The following SLC15A1 variants were observed in gnomAD, a reference collection of about 807,000 sequenced individuals.
SLC15A1 encodes the protein solute carrier family 15 member 1, also known as Caco-2 oligopeptide transporter.
Under a neutral mutation model 92.9 loss-of-function variants are expected in SLC15A1, and 83 were observed. That is an observed-to-expected ratio of 0.89 (90% CI 0.75 to 1.07). The LOEUF (loss-of-function observed/expected upper bound fraction) is 1.07. Ranked by LOEUF, SLC15A1 falls within the 50% of genes least tolerant of loss-of-function variation. The pLI is 0.00. For missense variants in SLC15A1, 857 were observed against 880.1 expected, an observed-to-expected ratio of 0.97 and a Z score of 0.33; for synonymous variants, 322 against 318.2, an observed-to-expected ratio of 1.01 and a Z score of -0.13.
At chr13:98,713,474 T>G (rs1428025407) in intron 9 of SLC15A1, among the ~76,000 whole-genome samples, 1 of 152,228 alleles carries the variant, frequency 6.6e-6, no homozygotes, top group Non-Finnish European at 1.5e-5. Context: ...CAAACATACT[T>G]AAAATCCTTC....
At position 98,752,664 on chromosome 13, in the gene SLC15A1, C is replaced by G; in HGVS notation, c.-66G>C. 1.6e-6 allele frequency: 2 copies of G among 1,233,628 alleles called. No individual in the cohort carries two copies. Among genetic ancestry groups the G allele is most frequent in the Non-Finnish European group, 2.0e-6 (2 of 985,472 alleles). 76.4% of individuals were successfully genotyped at this position (1,233,628 alleles called of 1,614,324 possible). A position where few individuals can be genotyped will look rare whatever the true frequency, so the allele number is the denominator to read the frequency against. ...GTGCTCCTGGCAGGTGCTACTCCTC[C>G]GACCTGACGTCCAGGCCCGGCCCCG... is the stretch of plus-strand genomic sequence containing the variant. On this transcript the variant is annotated 5_prime_UTR_variant, in exon 1 of 23. Transcript: ENST00000376503.
In SLC15A1 at chr13:98,702,467, G is replaced by T. The variant is rs769449098; in HGVS notation, c.1466+13C>A. ...AATCTGATAAAACTTAAATTTTAAA[G>T]AAATATACATACCTGATTCCATTTT... On this transcript the variant is annotated intron_variant, in intron 18 of 22. Transcript: ENST00000376503. 3.3e-5 allele frequency: 52 copies of T among 1,586,140 alleles called. 1 individual carries two copies. Among genetic ancestry groups the T allele is most frequent in the South Asian group, 1.8e-4 (16 of 90,282 alleles).
intron 18 of SLC15A1, among the ~76,000 whole-genome samples, chr13:98,694,809 G>A (rs974122521): frequency 1.1e-4 from 17 of 152,076 alleles, no homozygotes; most frequent in Non-Finnish European, 2.1e-4. Flanking sequence ...GGTGGATCAC[G>A]AGATCAGGAG....
chr13:98,740,910 A>G (rs2088438700), intron 1 of SLC15A1, among the ~76,000 whole-genome samples: 1 of 152,214 alleles, frequency 6.6e-6, no homozygotes, highest in South Asian at 2.1e-4. Context: ...TTCTAGCATC[A>G]GAGTCAGGTT....
At chr13:98,701,635 G>C (rs1166413442) in intron 18 of SLC15A1, among the ~76,000 whole-genome samples, 1 of 151,156 alleles carries the variant, frequency 6.6e-6, no homozygotes, top group African/African-American at 2.4e-5. Context: ...TGAGTGGCTG[G>C]GATTACAGGC....
At chr13:98,686,058 C>G in intron 22 of SLC15A1, 132 bp downstream of exon 22, 1 of 674,656 alleles carries the variant, frequency 1.5e-6, no homozygotes, top group East Asian at 2.7e-5. Flanking sequence ...ACAGCCCTGG[C>G]TGGTCTGGCA....
At chr13:98,742,294 C>T (rs2088454785) in intron 1 of SLC15A1, among the ~76,000 whole-genome samples, 1 of 152,240 alleles carries the variant, frequency 6.6e-6, no homozygotes, top group African/African-American at 2.4e-5. Context: ...CTGTCGCCAG[C>T]CCCTGCTGCT....
chr13:98,743,631 A>G (rs1003342021), intron 1 of SLC15A1, among the ~76,000 whole-genome samples: 3 of 152,158 alleles, frequency 2.0e-5, no homozygotes, highest in African/African-American at 7.2e-5. Flanking sequence ...GGACAGTCCT[A>G]AGTCCTGCCT....
intron 1 of SLC15A1, among the ~76,000 whole-genome samples, chr13:98,729,000 A>AC (rs1455213572): frequency 1.7e-4 from 25 of 147,278 alleles, no homozygotes; most frequent in Non-Finnish European, 3.4e-4. Context: ...AAAAAAAAAA[A>AC]AAAAAACAAC....
intron 1 of SLC15A1, among the ~76,000 whole-genome samples, chr13:98,735,439 C>G (rs74953089): frequency 6.6e-6 from 1 of 152,168 alleles, no homozygotes; most frequent in East Asian, 1.9e-4. Context: ...GACAGGGATG[C>G]CCTCTCTCAC....
intron 8 of SLC15A1, among the ~76,000 whole-genome samples, chr13:98,718,754 AG>A (rs2088231267): frequency 6.6e-6 from 1 of 152,222 alleles, no homozygotes; most frequent in Admixed American, 6.5e-5. Context: ...GGTTGCAGTG[AG>A]CTGAAATCAC....
rs9513471 is a variant in SLC15A1 at position 98,736,003 on chromosome 13, T to C, written c.5-9144A>G. The stretch of plus-strand genomic sequence containing the variant: ...TTGGAAAAAACTACTTTAAAGTTCA[T>C]ATGAAACCAAAAAAGAGCCCTCTTT... On this transcript the variant is annotated intron_variant, in intron 1 of 22. Coordinates refer to ENST00000376503, the MANE Select transcript of SLC15A1 (RefSeq NM_005073.4). 8.6e-3 allele frequency among the ~76,000 whole-genome samples: 1,307 copies of C among 152,328 alleles called. 12 individuals are homozygous for C. The highest frequency in any genetic ancestry group is 0.022 in the South Asian group (106 of 4,828).
chr13:98,685,068 C>T (rs1470408602), intron 22 of SLC15A1, among the ~76,000 whole-genome samples, 153 bp from the exon 23 acceptor site: 2 of 152,200 alleles, frequency 1.3e-5, no homozygotes, highest in Non-Finnish European at 2.9e-5. Context: ...AATACAGATA[C>T]AGTAAGCCCA....
At chr13:98,730,088 C>G (rs1295481533) in intron 1 of SLC15A1, among the ~76,000 whole-genome samples, 1 of 151,590 alleles carries the variant, frequency 6.6e-6, no homozygotes, top group Non-Finnish European at 1.5e-5. Context: ...GCCAGCTACT[C>G]AGGAGGCTGA....
intron 1 of SLC15A1, among the ~76,000 whole-genome samples, chr13:98,740,114 G>A (rs1042973394): frequency 3.9e-5 from 6 of 152,220 alleles, no homozygotes; most frequent in Middle Eastern, 3.2e-3. Flanking sequence ...AAGCCATCAT[G>A]ACAAGCCTTA....
Position 98,752,656 on chromosome 13 carries a change from T to A in SLC15A1, c.-58A>T. The A allele has an allele frequency of 8.1e-7, 1 of 1,240,570 alleles. No individual in the cohort carries two copies. The highest frequency in any genetic ancestry group is 1.0e-6 in the Non-Finnish European group (1 of 990,696). 76.8% of individuals were successfully genotyped at this position (1,240,570 alleles called of 1,614,324 possible). A position where few individuals can be genotyped will look rare whatever the true frequency, so the allele number is the denominator to read the frequency against. Reference sequence around the variant, plus strand: ...GGCGGGACGTGCTCCTGGCAGGTGCTACTCCTCCGACCTGACGTCCAGGCC... The same window carrying A: ...GGCGGGACGTGCTCCTGGCAGGTGCAACTCCTCCGACCTGACGTCCAGGCC... On this transcript the variant is annotated 5_prime_UTR_variant, in exon 1 of 23. Coordinates refer to ENST00000376503, the MANE Select transcript of SLC15A1 (RefSeq NM_005073.4).
chr13:98,748,575 G>C (rs9300508), intron 1 of SLC15A1, among the ~76,000 whole-genome samples: 1 of 152,096 alleles, frequency 6.6e-6, no homozygotes, highest in African/African-American at 2.4e-5. Flanking sequence ...GATTACAGGC[G>C]TAAGCCGCAG....
chr13:98,687,588 T>G lies in SLC15A1; in HGVS notation c.1820A>C (p.Tyr607Ser), dbSNP rs376980177. 9.9e-6 allele frequency: 16 copies of G among 1,613,876 alleles called. No individual in the cohort carries two copies. In the African/African-American group the frequency reaches 1.6e-4, roughly 16 times the overall value. Reference sequence around the variant, plus strand: ...ATACAACAAACAAGAAACCTGAGAATATGAGAATTCCAATCCCGTGACAGA... The same window carrying G: ...ATACAACAAACAAGAAACCTGAGAAGATGAGAATTCCAATCCCGTGACAGA... Reference protein sequence around the residue: ...VFSVTGLEFSYSQAPSNMKSV... With the variant: ...VFSVTGLEFSSSQAPSNMKSV... The change falls in exon 21 of 23, where the codon TAT becomes TCT. Residue 607 changes from tyrosine (Y) to serine (S), a missense_variant. Physicochemically the swap from Tyr to Ser is moderately radical, Grantham distance 144 (BLOSUM62 -2). Coordinates refer to ENST00000376503, the MANE Select transcript of SLC15A1 (RefSeq NM_005073.4).
rs368889721 is a variant in SLC15A1 at position 98,724,046 on chromosome 13, A to G, written c.246-15T>C. The G allele has an allele frequency of 3.1e-6, 5 of 1,613,550 alleles. No homozygotes were observed. The African/African-American group carries it at 6.7e-5, about 22-fold the overall frequency. On this transcript the variant is annotated splice_polypyrimidine_tract_variant and intron_variant, in intron 4 of 22. Transcript: ENST00000376503. ...ACACAATGGTCCTGTGTTTCCAAAGATTAAGAGAATCCGAGTTAATTGCAC... is the reference window on the plus strand; with the variant it reads ...ACACAATGGTCCTGTGTTTCCAAAGGTTAAGAGAATCCGAGTTAATTGCAC...
Sources: gnomAD v4.1 joint callset for allele counts (sites outside exome capture counted in the v4.1 genomes callset) on GRCh38, gnomAD v4.1.1 for gene constraint, MANE v1.5 for transcripts, NCBI Gene and HGNC (gene_info 2026-07-23, HGNC 2026-07-21) for gene names.